The following GALNT13 variants were observed in gnomAD, a reference collection of about 807,000 sequenced individuals.
The protein encoded by GALNT13 is polypeptide N-acetylgalactosaminyltransferase 13, also known as UDP-GalNAc:polypeptide N-acetylgalactosaminyltransferase 13.
Under a neutral mutation model 64.2 loss-of-function variants are expected in GALNT13, and 28 were observed. The observed-to-expected ratio is 0.44, with a 90% confidence interval of 0.32 to 0.60. The LOEUF is 0.60. GALNT13 is among the 20% of genes least tolerant of loss of function. GALNT13 has a pLI of 0.05. For missense variants in GALNT13, 577 were observed against 669.8 expected, an observed-to-expected ratio of 0.86 and a Z score of 1.53; for synonymous variants, 214 against 224.6, an observed-to-expected ratio of 0.95 and a Z score of 0.42.
the GALNT13 span, among the ~76,000 whole-genome samples, chr2:153,537,651 T>C: frequency 6.6e-6 from 1 of 152,134 alleles, no homozygotes; most frequent in African/African-American, 2.4e-5. Flanking sequence ...TGGGAGGGAC[T>C]TGGTGGGAAG....
At chr2:153,224,317 C>CT in the GALNT13 span, among the ~76,000 whole-genome samples, 1 of 151,274 alleles carries the variant, frequency 6.6e-6, no homozygotes, top group Admixed American at 6.6e-5. Context: ...CTACTAGAGA[C>CT]TACTAGAGAA....
the GALNT13 span, among the ~76,000 whole-genome samples, chr2:153,758,678 C>A: frequency 6.6e-6 from 1 of 152,108 alleles, no homozygotes; most frequent in African/African-American, 2.4e-5. Context: ...CTGCAACCTC[C>A]ACCTCCCAGG....
the GALNT13 span, among the ~76,000 whole-genome samples, chr2:153,836,121 A>C: frequency 6.6e-6 from 1 of 152,088 alleles, no homozygotes; most frequent in Non-Finnish European, 1.5e-5. Context: ...AAAAGATGCA[A>C]TCTCAGCTAT....
the GALNT13 span, among the ~76,000 whole-genome samples, chr2:153,800,817 T>C: frequency 2.0e-5 from 3 of 152,308 alleles, no homozygotes; most frequent in East Asian, 5.8e-4. Flanking sequence ...CTGCAGTTAC[T>C]TCCTCCACTG....
chr2:154,194,058 T>C (rs1161271525), intron 4 of GALNT13, among the ~76,000 whole-genome samples: 2 of 152,166 alleles, frequency 1.3e-5, no homozygotes, highest in Non-Finnish European at 2.9e-5. Context: ...AATCACCCAA[T>C]GAAAATTTTA....
intron 3 of GALNT13, among the ~76,000 whole-genome samples, chr2:154,042,814 ATTT>A (rs1475734327): frequency 6.6e-6 from 1 of 151,562 alleles, no homozygotes; most frequent in Non-Finnish European, 1.5e-5. Flanking sequence ...GACTTTATTA[ATTT>A]AAATAATTTT....
the GALNT13 span, among the ~76,000 whole-genome samples, chr2:153,119,412 T>G: frequency 2.6e-5 from 4 of 152,170 alleles, no homozygotes; most frequent in African/African-American, 7.2e-5. Context: ...GCCATTACAA[T>G]AAAATTAAAT....
the GALNT13 span, among the ~76,000 whole-genome samples, chr2:153,404,409 T>G: frequency 5.9e-5 from 9 of 152,192 alleles, no homozygotes; most frequent in African/African-American, 2.2e-4. Context: ...CCCTGGACTT[T>G]TATTATGTGA....
At chr2:153,273,154 G>A in the GALNT13 span, among the ~76,000 whole-genome samples, 2 of 152,158 alleles carry the variant, frequency 1.3e-5, no homozygotes, top group Non-Finnish European at 2.9e-5. Context: ...GGGAGGGATA[G>A]CATTAGTAGA....
At chr2:153,401,599 T>A in the GALNT13 span, among the ~76,000 whole-genome samples, 1 of 151,234 alleles carries the variant, frequency 6.6e-6, no homozygotes. Flanking sequence ...GCTTTATGAA[T>A]CTGGGTGCCC....
intron 9 of GALNT13, among the ~76,000 whole-genome samples, chr2:154,376,655 G>C (rs1362514635): frequency 6.6e-6 from 1 of 151,918 alleles, no homozygotes; most frequent in Non-Finnish European, 1.5e-5. Flanking sequence ...GCAAATTACA[G>C]GTTAATAGTG....
intron 2 of GALNT13, among the ~76,000 whole-genome samples, chr2:153,927,033 CATAAT>C (rs1229865146): frequency 1.3e-5 from 2 of 151,942 alleles, no homozygotes; most frequent in Non-Finnish European, 2.9e-5. Context: ...AAAATAGTGT[CATAAT>C]ATCTCTTAAC....
At chr2:153,864,948 G>C in the GALNT13 span, among the ~76,000 whole-genome samples, 1 of 146,416 alleles carries the variant, frequency 6.8e-6, no homozygotes, top group Non-Finnish European at 1.5e-5. Context: ...CATGGTACTG[G>C]TACCAAAACA....
At chr2:153,273,303 A>G in the GALNT13 span, among the ~76,000 whole-genome samples, 1 of 152,172 alleles carries the variant, frequency 6.6e-6, no homozygotes, top group East Asian at 1.9e-4. Context: ...AACCACTGCA[A>G]AATGTAAAAG....
chr2:153,139,836 T>C, the GALNT13 span, among the ~76,000 whole-genome samples: 1 of 151,980 alleles, frequency 6.6e-6, no homozygotes, highest in African/African-American at 2.4e-5. Context: ...ATTGCTTGAG[T>C]AATGTATTTG....
At position 153,917,843 on chromosome 2, in the gene GALNT13, G is replaced by A. The variant is rs571536626; in HGVS notation, c.-105+16836G>A. ...CAAGGGTTCAACTGATAGAGAGGGA[G>A]GATAGAAGCAGAGAGAGAGAGAAAA... is the stretch of plus-strand genomic sequence containing the variant. On this transcript the variant is annotated intron_variant, in intron 2 of 12. Coordinates refer to ENST00000392825, the MANE Select transcript of GALNT13 (RefSeq NM_052917.4). Among the ~76,000 whole-genome samples, 28 of 151,590 alleles carry A rather than the reference G, an allele frequency of 1.8e-4. No homozygotes were observed. The South Asian group carries it at 4.2e-3, about 23-fold the overall frequency.
chr2:153,113,889 A>T, the GALNT13 span, among the ~76,000 whole-genome samples: 1 of 152,074 alleles, frequency 6.6e-6, no homozygotes, highest in African/African-American at 2.4e-5. Flanking sequence ...TGTAATTCTG[A>T]TTTAATCCTG....
chr2:153,859,253 C>T, the GALNT13 span, among the ~76,000 whole-genome samples: 26 of 152,206 alleles, frequency 1.7e-4, no homozygotes, highest in East Asian at 2.9e-3. Flanking sequence ...TATATAGTAT[C>T]CTAATAAATA....
At chr2:153,824,050 G>A in the GALNT13 span, among the ~76,000 whole-genome samples, 5 of 152,024 alleles carry the variant, frequency 3.3e-5, no homozygotes, top group African/African-American at 1.2e-4. Context: ...AAAAATGTAA[G>A]TCAAAACCAC....
Sources: allele counts gnomAD v4.1 joint callset (sites outside exome capture counted in the v4.1 genomes callset), GRCh38; gene constraint gnomAD v4.1.1; transcripts MANE v1.5; gene names NCBI Gene and HGNC (gene_info 2026-07-23, HGNC 2026-07-21).